Variants in ODF2L observed in about 807,000 individuals in gnomAD.
ODF2L encodes the protein protein BCAP.
Under a neutral mutation model 86.3 loss-of-function variants are expected in ODF2L, and 76 were observed. The observed-to-expected ratio is 0.88, with a 90% confidence interval of 0.73 to 1.07. ODF2L has a LOEUF of 1.07. ODF2L is among the 50% of genes least tolerant of loss of function. The pLI is 0.00. For missense variants in ODF2L, 748 were observed against 717.4 expected (o/e 1.04, Z -0.49); for synonymous variants, 241 against 231.3 (o/e 1.04, Z -0.38).
chr1:86,352,133 C>T (rs888564256), exon 18 of ODF2L: 18 of 1,481,912 alleles, frequency 1.2e-5, no homozygotes, highest in African/African-American at 5.8e-5. Flanking sequence ...AATCATTTAA[C>T]TCTTGAATCT....
intron 7 of ODF2L, among the ~76,000 whole-genome samples, chr1:86,377,235 TTCACATCTAGG>T (rs1660238536): frequency 1.3e-5 from 2 of 152,310 alleles, no homozygotes; most frequent in South Asian, 4.1e-4. Context: ...GACTCCATGT[TTCACATCTAGG>T]TCATGCTGAT....
chr1:86,378,621 G>A (rs555025972), intron 7 of ODF2L, among the ~76,000 whole-genome samples: 5 of 152,142 alleles, frequency 3.3e-5, no homozygotes, highest in Non-Finnish European at 7.3e-5. Flanking sequence ...GTGGCAGAAG[G>A]TGACAGGGAA....
At chr1:86,355,190 TCTC>T in intron 14 of ODF2L, 2 of 596,446 alleles carry the variant, frequency 3.4e-6, no homozygotes, top group Non-Finnish European at 6.0e-6. Flanking sequence ...GCAGTATTAA[TCTC>T]CTATTTTTGG....
chr1:86,371,030 A>G (rs1196123040), exon 10 of ODF2L: 1 of 1,568,538 alleles, frequency 6.4e-7, no homozygotes, highest in Non-Finnish European at 8.6e-7. Context: ...TTAATTTTGT[A>G]TTCTCAAGAT....
chr1:86,373,289 T>C (rs1278029410), intron 8 of ODF2L, among the ~76,000 whole-genome samples: 1 of 150,908 alleles, frequency 6.6e-6, no homozygotes, highest in Non-Finnish European at 1.5e-5. Context: ...TACTGAACTT[T>C]CCATTTTACT....
At chr1:86,382,004 T>C (rs1660622216) in intron 7 of ODF2L, 1 of 344,952 alleles carries the variant, frequency 2.9e-6, no homozygotes, top group East Asian at 6.0e-5. Context: ...TTTAAAGTAA[T>C]TCAATTCCAT....
At chr1:86,383,369 GC>G (rs1660716997) in intron 4 of ODF2L, among the ~76,000 whole-genome samples, 173 bp from the exon 5 acceptor site, 1 of 151,724 alleles carries the variant, frequency 6.6e-6, no homozygotes, top group Non-Finnish European at 1.5e-5. Context: ...TTTTTGGTCT[GC>G]AATTTATGAA....
chr1:86,352,624 T>G (rs1658220838), intron 17 of ODF2L, among the ~76,000 whole-genome samples: 1 of 152,124 alleles, frequency 6.6e-6, no homozygotes, highest in African/African-American at 2.4e-5. Context: ...AAAAGTAATA[T>G]GTAGGGAAAG....
intron 1 of ODF2L, among the ~76,000 whole-genome samples, chr1:86,390,566 A>G (rs1190806294): frequency 6.6e-6 from 1 of 152,242 alleles, no homozygotes; most frequent in African/African-American, 2.4e-5. Context: ...ACATAAACAG[A>G]ATTAAAAACA....
At chr1:86,355,090 A>C (rs1428688372) in intron 14 of ODF2L, 3 of 543,038 alleles carry the variant, frequency 5.5e-6, no homozygotes. Context: ...AACTAAAAAA[A>C]ATTCAGGATG....
chr1:86,348,753 T>G, downstream of ODF2L: 1 of 1,486,322 alleles, frequency 6.7e-7, no homozygotes, highest in African/African-American at 1.5e-5. Context: ...TGACAATTTA[T>G]TCAAACATTG....
At chr1:86,394,824 AGTTT>A (rs1402715859) in intron 1 of ODF2L, among the ~76,000 whole-genome samples, 1 of 149,844 alleles carries the variant, frequency 6.7e-6, no homozygotes, top group Non-Finnish European at 1.5e-5. Context: ...GGTTTTCTGC[AGTTT>A]GTTTCTTTTT....
At position 86,373,492 on chromosome 1, in the gene ODF2L, CTATA is replaced by C. The variant is rs571439190; in HGVS notation, c.811-956_811-953del. Among the ~76,000 whole-genome samples the C allele has an allele frequency of 5.4e-5, 8 of 148,156 alleles. No individual in the cohort carries two copies. The South Asian group carries it at 8.4e-4, about 16-fold the overall frequency. On this transcript the variant is annotated intron_variant, in intron 8 of 17. Transcript: ENST00000317336. ...ATATATCTAGATACATATGTATATA[CTATA>C]TATATATGTTATACATATATATTGA... is the stretch of plus-strand genomic sequence containing the variant.
At chr1:86,353,752 G>A (rs2100730314) in intron 16 of ODF2L, among the ~76,000 whole-genome samples, 1 of 152,256 alleles carries the variant, frequency 6.6e-6, no homozygotes, top group East Asian at 1.9e-4. Context: ...CATGAGAGAT[G>A]CCAGTGTGAG....
chr1:86,376,203 T>C (rs767092937), intron 8 of ODF2L, 30 bp downstream of exon 8: 4 of 1,319,844 alleles, frequency 3.0e-6, no homozygotes, highest in Non-Finnish European at 4.3e-6. Context: ...TAATAGATCT[T>C]TTAATTTTAA....
chr1:86,382,452 T>C, intron 6 of ODF2L, 94 bp from the exon 7 acceptor site: 1 of 1,542,050 alleles, frequency 6.5e-7, no homozygotes, highest in Non-Finnish European at 8.7e-7. Context: ...TTAGGCACAA[T>C]CTAAACAGCT....
rs184974286 is a variant in ODF2L, at chr1:86,383,227, G to A, written c.373-31C>T. On this transcript the variant is annotated intron_variant, in intron 4 of 17. Transcript: ENST00000317336. ...AAAAGAATGTTATAAATCAGTGATC[G>A]CAAATTATATTTCTCTATATAAAAA... 9.0e-5 allele frequency: 105 copies of A among 1,169,010 alleles called. No individual in the cohort carries two copies. The East Asian group carries it at 1.8e-3, about 20-fold the overall frequency. 72.4% of individuals were successfully genotyped at this position (1,169,010 alleles called of 1,614,324 possible). A position where few individuals can be genotyped will look rare whatever the true frequency, so the allele number is the denominator to read the frequency against.
At position 86,352,194 on chromosome 1, in the gene ODF2L, TG is replaced by T. The variant is rs1364978453; in HGVS notation, c.1907del (p.Pro636HisfsTer17). The stretch of plus-strand genomic sequence containing the variant: ...TTGGGAATTAAAAAAATAGATTTCA[TG>T]GAGTCTCTGGATCCTGGAAAAAACA... On this transcript the variant is annotated frameshift_variant, in exon 18 of 18. Transcript: ENST00000317336. LOFTEE classifies it high-confidence loss of function. The T allele has an allele frequency of 6.6e-7, 1 of 1,518,284 alleles. No individual in the cohort carries two copies. The highest frequency in any genetic ancestry group is 1.4e-5 in the African/African-American group (1 of 71,588). 94.1% of individuals were successfully genotyped at this position (1,518,284 alleles called of 1,614,324 possible). A position where few individuals can be genotyped will look rare whatever the true frequency, so the allele number is the denominator to read the frequency against.
At chr1:86,375,507 GTTC>G (rs1660106260) in intron 8 of ODF2L, among the ~76,000 whole-genome samples, 1 of 151,950 alleles carries the variant, frequency 6.6e-6, no homozygotes, top group Non-Finnish European at 1.5e-5. Context: ...CTTAACATAA[GTTC>G]TTAAGAGGCA....
Sources: allele counts gnomAD v4.1 joint callset (sites outside exome capture counted in the v4.1 genomes callset), GRCh38; gene constraint gnomAD v4.1.1; transcripts MANE v1.5; gene names NCBI Gene and HGNC (gene_info 2026-07-23, HGNC 2026-07-21).